The following BRCA1 variants were observed in gnomAD, a reference collection of about 807,000 sequenced individuals.
BRCA1 encodes the protein breast cancer type 1 susceptibility protein.
A neutral mutation model predicts 173.7 loss-of-function variants in BRCA1; 140 were observed. The ratio of observed to expected loss-of-function variants is 0.81; its 90% CI spans 0.70 to 0.93. The LOEUF (loss-of-function observed/expected upper bound fraction) is 0.93. BRCA1 is among the 40% of genes least tolerant of loss of function. The probability of loss-of-function intolerance (pLI) is 0.00; values close to 1 mark genes in which losing one functional copy is unlikely to be tolerated. For missense variants in BRCA1, 1,983 were observed against 2,172.5 expected (o/e 0.91, Z 1.73); for synonymous variants, 662 against 756.0 (o/e 0.88, Z 2.04).
At chr17:43,120,247 C>T (rs2055483274) in intron 2 of BRCA1, among the ~76,000 whole-genome samples, 1 of 152,190 alleles carries the variant, frequency 6.6e-6, no homozygotes, top group Non-Finnish European at 1.5e-5. Context: ...CCAATATTGA[C>T]TTAGAAGACA....
intron 2 of BRCA1, among the ~76,000 whole-genome samples, chr17:43,122,841 T>C (rs1009185019): frequency 6.6e-6 from 1 of 150,606 alleles, no homozygotes; most frequent in African/African-American, 2.5e-5. Flanking sequence ...GGTCAGGAGA[T>C]CAAGACTATC....
intron 1 of BRCA1, among the ~76,000 whole-genome samples, chr17:43,136,620 C>T (rs1193419228): frequency 6.6e-6 from 1 of 152,158 alleles, no homozygotes; most frequent in Non-Finnish European, 1.5e-5. Flanking sequence ...AAAAAGTGGG[C>T]AAAGGATATG....
At chr17:43,067,120 C>T (rs2052118538) in intron 16 of BRCA1, among the ~76,000 whole-genome samples, 1 of 150,780 alleles carries the variant, frequency 6.6e-6, no homozygotes, top group African/African-American at 2.4e-5. Flanking sequence ...GCCTGGCCCA[C>T]ACTCCAAATC....
Position 43,093,311 on chromosome 17 carries a change from C to T in BRCA1, c.2220G>A (p.Val740=), listed in dbSNP as rs2154391327. 1.2e-6 allele frequency: 2 copies of T among 1,613,952 alleles called. No individual in the cohort carries two copies. Among genetic ancestry groups the T allele is most frequent in the Non-Finnish European group, 1.7e-6 (2 of 1,179,956 alleles). Reference sequence around the variant, plus strand: ...CTTTGGGGTCTTCAGCATTATTAGACACTTTAACTGTTTCTAGTTTCTCTT... The same window carrying T: ...CTTTGGGGTCTTCAGCATTATTAGATACTTTAACTGTTTCTAGTTTCTCTT... ...EKEEKLETVK[V]SNNAEDPKDL... The change falls in exon 10 of 23, where the codon GTG becomes GTA. Residue 740 remains valine, a synonymous_variant. Transcript: ENST00000357654.
chr17:43,065,371 GA>G (rs2052019065), intron 16 of BRCA1, among the ~76,000 whole-genome samples: 1 of 151,960 alleles, frequency 6.6e-6, no homozygotes, highest in South Asian at 2.1e-4. Flanking sequence ...GTATCTCTGT[GA>G]AAAGAATCAT....
At chr17:43,057,783 C>T (rs1241072358) in intron 18 of BRCA1, among the ~76,000 whole-genome samples, 1 of 151,668 alleles carries the variant, frequency 6.6e-6, no homozygotes, top group Admixed American at 6.6e-5. Context: ...TTGCAGTGAG[C>T]GGAGATCACG....
rs397508829 is a variant in BRCA1 at position 43,094,468 on chromosome 17, T to G, written c.1063A>C (p.Lys355Gln). ...DPLCERKEWN[K>Q]QKLPCSENPR... ...TTCTCTGAGCATGGCAGTTTCTGCT[T>G]ATTCCATTCTTTTCTCTCACACAGG... The change falls in exon 10 of 23, where the codon AAG becomes CAG. Residue 355 changes from lysine (K) to glutamine (Q), a missense_variant. Coordinates refer to ENST00000357654, the MANE Select transcript of BRCA1 (RefSeq NM_007294.4). The G allele has an allele frequency of 6.2e-7, 1 of 1,614,064 alleles. No individual in the cohort carries two copies. The highest frequency in any genetic ancestry group is 8.5e-7 in the Non-Finnish European group (1 of 1,180,030).
At position 43,045,685 on chromosome 17, in the gene BRCA1, TG is replaced by T. The variant is rs2152482866; in HGVS notation, c.5584del (p.His1862ThrfsTer60). The T allele has an allele frequency of 6.2e-7, 1 of 1,613,734 alleles. No individual in the cohort carries two copies. On this transcript the variant is annotated frameshift_variant, in exon 23 of 23. Transcript: ENST00000357654. LOFTEE classifies it high-confidence loss of function. ...ACCTGTGGCTGGCTGCAGTCAGTAG[TG>T]GCTGTGGGGGATCTGGGGTATCAGG... ...TYLIPQIPHS[H>X]Y
intron 19 of BRCA1, among the ~76,000 whole-genome samples, 161 bp downstream of exon 19, chr17:43,056,891 G>A (rs1450040109): frequency 6.6e-6 from 1 of 152,190 alleles, no homozygotes; most frequent in African/African-American, 2.4e-5. Context: ...TTATTTATGT[G>A]GTTGGGATGG....
rs80357257 is a variant in BRCA1, at chr17:43,091,602, G to T, written c.3929C>A (p.Thr1310Lys). ...AATCAAGAAAGGATCCTGGGTGTTT[G>T]TATTTGCAGTCAAGTCTTCCAATTC... ...CSELEDLTANTNTQDPFLIGS... is the reference protein window; with the variant it reads ...CSELEDLTANKNTQDPFLIGS... The change falls in exon 10 of 23, where the codon ACA (threonine) becomes AAA (lysine). Residue 1310 changes from threonine to lysine, a missense_variant. Coordinates refer to ENST00000357654, the MANE Select transcript of BRCA1 (RefSeq NM_007294.4). 63 of 1,614,078 alleles carry T rather than the reference G, an allele frequency of 3.9e-5. 1 individual carries two copies. In the Admixed American group the frequency reaches 8.3e-4, roughly 21 times the overall value.
rs2153345030 is a variant in BRCA1 at position 43,056,992 on chromosome 17, G to C, written c.5277+60C>G. On this transcript the variant is annotated intron_variant, in intron 19 of 22. Coordinates refer to ENST00000357654, the MANE Select transcript of BRCA1 (RefSeq NM_007294.4). ...AATGAAGCGGCCCATCTCTGCAAAG[G>C]GGAGTGGAATACAGAGTGGTGGGGT... The C allele has an allele frequency of 2.7e-6, 4 of 1,470,030 alleles. 1 individual carries two copies. The South Asian group carries it at 4.5e-5, about 17-fold the overall frequency. 91.1% of individuals were successfully genotyped at this position (1,470,030 alleles called of 1,614,324 possible). A position where few individuals can be genotyped will look rare whatever the true frequency, so the allele number is the denominator to read the frequency against.
In BRCA1 at chr17:43,076,633, A is replaced by C. The variant is rs1357588437; in HGVS notation, c.4358-19T>G. On this transcript the variant is annotated intron_variant, in intron 12 of 22. Coordinates refer to ENST00000357654, the MANE Select transcript of BRCA1 (RefSeq NM_007294.4). ...AATACTGCTTTAAATGGAATGAGAA[A>C]ACAAATCTACTTTACTGCTTTGTTC... 3 of 1,611,802 alleles carry C rather than the reference A, an allele frequency of 1.9e-6. No homozygotes were observed. The South Asian group carries it at 3.3e-5, about 18-fold the overall frequency.
At position 43,117,022 on chromosome 17, in the gene BRCA1, G is replaced by A. The variant is rs2055326688; in HGVS notation, c.81-1243C>T. 1.3e-5 allele frequency among the ~76,000 whole-genome samples: 2 copies of A among 152,156 alleles called. 1 individual carries two copies. On this transcript the variant is annotated intron_variant, in intron 2 of 22. Transcript: ENST00000357654. ...TTAATCATTCAGGTTCAACTTTCTG[G>A]CAAGAACACTTTACAGATGGTACTG...
At position 43,049,235 on chromosome 17, in the gene BRCA1, G is replaced by A. The variant is rs1177187843; in HGVS notation, c.5333-41C>T. 1.3e-6 allele frequency: 2 copies of A among 1,581,412 alleles called. No individual in the cohort carries two copies. The highest frequency in any genetic ancestry group is 1.7e-5 in the Admixed American group (1 of 59,902). ...AGATGTAAAATCACTGCAGTAATCT[G>A]CATACTTAACCCAGGCCCTCTACCC... is the stretch of plus-strand genomic sequence containing the variant. On this transcript the variant is annotated intron_variant, in intron 20 of 22. Transcript: ENST00000357654.
intron 6 of BRCA1, among the ~76,000 whole-genome samples, chr17:43,101,234 T>C (rs2154543020): frequency 6.6e-6 from 1 of 152,112 alleles, no homozygotes; most frequent in Non-Finnish European, 1.5e-5. Context: ...TCTTGTTCTG[T>C]TGCCCAGGCT....
intron 18 of BRCA1, among the ~76,000 whole-genome samples, chr17:43,059,621 C>A (rs2051662031): frequency 6.6e-6 from 1 of 152,028 alleles, no homozygotes; most frequent in African/African-American, 2.4e-5. Flanking sequence ...ATATTACTAA[C>A]AAGATCTATT....
Sources: gnomAD v4.1 joint callset for allele counts (sites outside exome capture counted in the v4.1 genomes callset) on GRCh38, gnomAD v4.1.1 for gene constraint, MANE v1.5 for transcripts, NCBI Gene and HGNC (gene_info 2026-07-23, HGNC 2026-07-21) for gene names.